The following PPARGC1A variants were observed in gnomAD, a reference collection of about 807,000 sequenced individuals.
The protein encoded by PPARGC1A is PPARG coactivator 1 alpha, also known as peroxisome proliferator-activated receptor gamma coactivator 1-alpha.
A neutral mutation model predicts 88.7 loss-of-function variants in PPARGC1A; 25 were observed. The ratio of observed to expected loss-of-function variants is 0.28; its 90% CI spans 0.21 to 0.39. The LOEUF (loss-of-function observed/expected upper bound fraction) is 0.39. Ranked by LOEUF, PPARGC1A falls within the 10% of genes least tolerant of loss-of-function variation. The pLI is 1.00. For synonymous variants in PPARGC1A, 363 were observed against 355.6 expected, an observed-to-expected ratio of 1.02 and a Z score of -0.24; for missense variants, 880 against 968.7, an observed-to-expected ratio of 0.91 and a Z score of 1.22.
the PPARGC1A span, among the ~76,000 whole-genome samples, chr4:24,446,073 TA>T: frequency 6.6e-6 from 1 of 151,790 alleles, no homozygotes; most frequent in African/African-American, 2.4e-5. Context: ...CTCAAAAAAA[TA>T]AAAATAAAAA....
the PPARGC1A span, among the ~76,000 whole-genome samples, chr4:24,122,060 G>A: frequency 6.6e-6 from 1 of 152,094 alleles, no homozygotes; most frequent in Non-Finnish European, 1.5e-5. Flanking sequence ...CATGAGACAG[G>A]GGAATAGGGG....
chr4:23,962,061 C>G, the PPARGC1A span, among the ~76,000 whole-genome samples: 3 of 152,122 alleles, frequency 2.0e-5, no homozygotes, highest in African/African-American at 2.4e-5. Flanking sequence ...AGAAATCAAA[C>G]AGCAAATCTG....
At chr4:24,276,441 C>T in the PPARGC1A span, among the ~76,000 whole-genome samples, 2 of 152,262 alleles carry the variant, frequency 1.3e-5, no homozygotes, top group African/African-American at 4.8e-5. Context: ...TCTCAGACAT[C>T]GAGGTCCTTG....
chr4:23,937,441 C>A, the PPARGC1A span, among the ~76,000 whole-genome samples: 1 of 152,022 alleles, frequency 6.6e-6, no homozygotes, highest in African/African-American at 2.4e-5. Flanking sequence ...AACTGTGGAT[C>A]AACCCCAAAA....
chr4:24,170,502 AG>A, the PPARGC1A span, among the ~76,000 whole-genome samples: 1 of 152,172 alleles, frequency 6.6e-6, no homozygotes, highest in Admixed American at 6.5e-5. Context: ...CATGGCAGGG[AG>A]GGGGCCTAAC....
chr4:24,113,393 A>C, the PPARGC1A span, among the ~76,000 whole-genome samples: 1 of 152,172 alleles, frequency 6.6e-6, no homozygotes, highest in Non-Finnish European at 1.5e-5. Context: ...ACTAGTAGAA[A>C]TATTTACTGT....
chr4:23,934,640 A>C, the PPARGC1A span, among the ~76,000 whole-genome samples: 165 of 152,298 alleles, frequency 1.1e-3, no homozygotes, highest in African/African-American at 3.7e-3. Flanking sequence ...ACATAACTAC[A>C]TGTGTGTGGC....
At chr4:24,414,273 G>A in the PPARGC1A span, among the ~76,000 whole-genome samples, 744 of 152,122 alleles carry the variant, frequency 4.9e-3, 3 homozygotes, top group African/African-American at 0.017. Flanking sequence ...CAAAAGCCTG[G>A]GTACATTTGC....
At chr4:24,127,677 A>T in the PPARGC1A span, among the ~76,000 whole-genome samples, 1 of 152,168 alleles carries the variant, frequency 6.6e-6, no homozygotes, top group Admixed American at 6.6e-5. Context: ...AATTTCCACA[A>T]TCAAGGATAC....
At chr4:24,415,650 G>A in the PPARGC1A span, among the ~76,000 whole-genome samples, 5 of 152,096 alleles carry the variant, frequency 3.3e-5, no homozygotes, top group Non-Finnish European at 5.9e-5. Flanking sequence ...GAAAGAAGAG[G>A]GTTTGATAAG....
At chr4:24,120,674 G>T in the PPARGC1A span, among the ~76,000 whole-genome samples, 2 of 152,102 alleles carry the variant, frequency 1.3e-5, no homozygotes, top group South Asian at 4.1e-4. Flanking sequence ...GTCTTTGGAA[G>T]GTGATAAGGT....
the PPARGC1A span, among the ~76,000 whole-genome samples, chr4:24,379,025 G>T: frequency 1.3e-5 from 2 of 152,028 alleles, no homozygotes; most frequent in Non-Finnish European, 2.9e-5. Flanking sequence ...CTTGTATTGT[G>T]GTAAATCTTC....
At chr4:24,303,437 T>C in the PPARGC1A span, among the ~76,000 whole-genome samples, 1 of 152,138 alleles carries the variant, frequency 6.6e-6, no homozygotes, top group African/African-American at 2.4e-5. Flanking sequence ...AAGGATTGTA[T>C]TGGGGCCATC....
At chr4:24,444,454 T>A in the PPARGC1A span, among the ~76,000 whole-genome samples, 33,588 of 149,996 alleles carry the variant, frequency 0.22, 4,396 homozygotes, top group Non-Finnish European at 0.28. Flanking sequence ...TTTAAAAATT[T>A]AAAAAAAAAA....
At chr4:24,277,188 G>A in the PPARGC1A span, among the ~76,000 whole-genome samples, 1 of 151,988 alleles carries the variant, frequency 6.6e-6, no homozygotes, top group Admixed American at 6.6e-5. Context: ...AACCTCCTGG[G>A]CTCAAGCAAT....
upstream of PPARGC1A, among the ~76,000 whole-genome samples, chr4:23,900,220 T>G (rs1296371593): frequency 6.6e-6 from 1 of 152,204 alleles, no homozygotes; most frequent in Non-Finnish European, 1.5e-5. Flanking sequence ...ATTTATTTCT[T>G]GAATAAGTGA....
the PPARGC1A span, among the ~76,000 whole-genome samples, chr4:23,933,322 T>G: frequency 6.6e-6 from 1 of 152,220 alleles, no homozygotes; most frequent in Non-Finnish European, 1.5e-5. Context: ...CTCAGTTTGT[T>G]TTGGAGAATA....
the PPARGC1A span, among the ~76,000 whole-genome samples, chr4:24,026,153 G>C: frequency 1.3e-5 from 2 of 152,106 alleles, no homozygotes; most frequent in African/African-American, 4.8e-5. Flanking sequence ...ACTACTTCTG[G>C]TAACAATTAG....
At chr4:23,887,318 TAATCTA>T (rs1463094236) in intron 1 of PPARGC1A, among the ~76,000 whole-genome samples, 1 of 152,226 alleles carries the variant, frequency 6.6e-6, no homozygotes, top group Admixed American at 6.5e-5. Flanking sequence ...ATTATCCTGC[TAATCTA>T]AAACACATTA....
Sources: allele counts gnomAD v4.1 joint callset (sites outside exome capture counted in the v4.1 genomes callset), GRCh38; gene constraint gnomAD v4.1.1; transcripts MANE v1.5; gene names NCBI Gene and HGNC (gene_info 2026-07-23, HGNC 2026-07-21).